Variants in IL19 observed in about 807,000 individuals in gnomAD.
IL19 encodes interleukin-19.
A neutral mutation model predicts 19.5 loss-of-function variants in IL19; 15 were observed. The ratio of observed to expected loss-of-function variants is 0.77; its 90% CI spans 0.52 to 1.19. The LOEUF (loss-of-function observed/expected upper bound fraction) is 1.19, where lower values mean the gene tolerates loss of function less well. IL19 is among the 50% of genes most tolerant of loss of function. The pLI, the probability that IL19 is intolerant of heterozygous loss-of-function variation, is 0.00. For synonymous variants in IL19, 78 were observed against 78.3 expected, an observed-to-expected ratio of 1.00 and a Z score of 0.02; for missense variants, 199 against 213.1, an observed-to-expected ratio of 0.93 and a Z score of 0.41.
chr1:206,798,920 A>G lies in IL19; in HGVS notation c.-89A>G. On this transcript the variant is annotated 5_prime_UTR_variant, in exon 2 of 7. Coordinates refer to ENST00000659997, the MANE Select transcript of IL19 (RefSeq NM_153758.5). ...ATGTGCACTGAGGGAGCGTTTCCGC[A>G]CAGATCTGCGTGTTCCTTACCACTC... 6.2e-7 allele frequency: 1 copy of G among 1,613,572 alleles called. No homozygotes were observed. Among genetic ancestry groups the G allele is most frequent in the Non-Finnish European group, 8.5e-7 (1 of 1,179,850 alleles).
At chr1:206,806,000 G>A (rs1675835356) in intron 2 of IL19, among the ~76,000 whole-genome samples, 1 of 152,126 alleles carries the variant, frequency 6.6e-6, no homozygotes, top group Non-Finnish European at 1.5e-5. Flanking sequence ...TTCCTGTAGG[G>A]TGACATTCAG....
At chr1:206,812,760 T>C (rs1676046481) in intron 2 of IL19, among the ~76,000 whole-genome samples, 1 of 152,254 alleles carries the variant, frequency 6.6e-6, no homozygotes, top group South Asian at 2.1e-4. Flanking sequence ...AAGGAAGTTA[T>C]AAATATAATT....
intron 2 of IL19, among the ~76,000 whole-genome samples, chr1:206,831,848 T>A (rs1167001645): frequency 6.6e-6 from 1 of 152,196 alleles, no homozygotes; most frequent in Non-Finnish European, 1.5e-5. Context: ...TATAAACACA[T>A]CACTTATTTC....
chr1:206,796,984 T>C (rs957421352), intron 1 of IL19, among the ~76,000 whole-genome samples: 1 of 152,198 alleles, frequency 6.6e-6, no homozygotes, highest in Non-Finnish European at 1.5e-5. Context: ...ATGGGAAGTA[T>C]TGCTCGAAAA....
intron 2 of IL19, among the ~76,000 whole-genome samples, chr1:206,801,372 G>A (rs2102461152): frequency 6.6e-6 from 1 of 152,298 alleles, no homozygotes; most frequent in African/African-American, 2.4e-5. Flanking sequence ...GCGGGGGGTG[G>A]AATGGAGGCA....
chr1:206,841,808 C>T (rs767179153), intron 6 of IL19, among the ~76,000 whole-genome samples: 3 of 152,188 alleles, frequency 2.0e-5, no homozygotes, highest in Non-Finnish European at 4.4e-5. Flanking sequence ...AGTATTAACA[C>T]ACATTCGTCC....
At chr1:206,792,581 C>T (rs1366566827) in intron 1 of IL19, among the ~76,000 whole-genome samples, 2 of 152,020 alleles carry the variant, frequency 1.3e-5, no homozygotes, top group East Asian at 1.9e-4. Flanking sequence ...CTCAGCCTCC[C>T]GAGTAGCTGG....
intron 2 of IL19, among the ~76,000 whole-genome samples, chr1:206,817,866 C>T (rs770480461): frequency 4.6e-5 from 7 of 151,716 alleles, no homozygotes; most frequent in Admixed American, 1.3e-4. Flanking sequence ...TGGGTTCAAG[C>T]GATTCTCCTG....
At chr1:206,841,696 C>T (rs929264941) in intron 6 of IL19, among the ~76,000 whole-genome samples, 2 of 152,170 alleles carry the variant, frequency 1.3e-5, no homozygotes, top group African/African-American at 4.8e-5. Context: ...CTGTTATGGG[C>T]TCTGCTTCTT....
chr1:206,813,984 A>G (rs573054507), intron 2 of IL19, among the ~76,000 whole-genome samples: 30 of 152,302 alleles, frequency 2.0e-4, no homozygotes, highest in Non-Finnish European at 3.7e-4. Flanking sequence ...TACAGGTTTC[A>G]GGCTTGCTAG....
At chr1:206,776,010 AT>A (rs542931812) in intron 1 of IL19, among the ~76,000 whole-genome samples, 130 of 152,304 alleles carry the variant, frequency 8.5e-4, no homozygotes, top group Admixed American at 1.5e-3. Context: ...TATTATACTG[AT>A]TTTAAATGAA....
chr1:206,842,692 C>A lies in IL19; in HGVS notation c.*70C>A. The A allele has an allele frequency of 3.3e-6, 3 of 913,260 alleles. No individual in the cohort carries two copies. The highest frequency in any genetic ancestry group is 3.1e-5 in the South Asian group (2 of 64,580). 56.6% of individuals were successfully genotyped at this position (913,260 alleles called of 1,614,324 possible). A position where few individuals can be genotyped will look rare whatever the true frequency, so the allele number is the denominator to read the frequency against. ...GCGGTTTACTGTGGGAGACAGCCCACCTTGAAGGGGAAGGAGATGGGGAAG... is the reference window on the plus strand; with the variant it reads ...GCGGTTTACTGTGGGAGACAGCCCAACTTGAAGGGGAAGGAGATGGGGAAG... On this transcript the variant is annotated 3_prime_UTR_variant, in exon 7 of 7. Transcript: ENST00000659997.
chr1:206,770,883 G>C lies in IL19; in HGVS notation c.-344G>C. On this transcript the variant is annotated 5_prime_UTR_variant, in exon 1 of 7. Coordinates refer to ENST00000659997, the MANE Select transcript of IL19 (RefSeq NM_153758.5). The stretch of plus-strand genomic sequence containing the variant: ...ATGGTATTTTGGGGGCAGCTGCAAG[G>C]GAAAAAACTGATCTGCTACTTACAC... 6.2e-7 allele frequency: 1 copy of C among 1,612,966 alleles called. No individual in the cohort carries two copies. Among genetic ancestry groups the C allele is most frequent in the South Asian group, 1.1e-5 (1 of 91,060 alleles).
chr1:206,826,068 G>C (rs1450310300), intron 2 of IL19, among the ~76,000 whole-genome samples: 1 of 152,164 alleles, frequency 6.6e-6, no homozygotes, highest in East Asian at 1.9e-4. Flanking sequence ...TGATAGGAGA[G>C]AGATTTCAGA....
intron 2 of IL19, among the ~76,000 whole-genome samples, chr1:206,818,518 G>A (rs971780503): frequency 3.3e-5 from 5 of 152,202 alleles, no homozygotes; most frequent in African/African-American, 9.7e-5. Context: ...AAGCAGATTA[G>A]TGCTTGCCTG....
intron 1 of IL19, among the ~76,000 whole-genome samples, chr1:206,778,330 C>G (rs1036883704): frequency 6.6e-6 from 1 of 152,132 alleles, no homozygotes; most frequent in Non-Finnish European, 1.5e-5. Context: ...TATCAGGGAC[C>G]AGGACACCAG....
At chr1:206,840,208 G>T in intron 5 of IL19, 1 of 705,174 alleles carries the variant, frequency 1.4e-6, no homozygotes. Context: ...TCCTCAGATG[G>T]TCTCCTCCTA....
chr1:206,785,354 C>A (rs1336509621), intron 1 of IL19, among the ~76,000 whole-genome samples: 1 of 152,216 alleles, frequency 6.6e-6, no homozygotes, highest in South Asian at 2.1e-4. Flanking sequence ...CTTCCTTAAC[C>A]GTGCTTGTGA....
At position 206,804,194 on chromosome 1, in the gene IL19, A is replaced by G. The variant is rs192340082; in HGVS notation, c.-3+5188A>G. Among the ~76,000 whole-genome samples, 451 of 152,246 alleles carry G rather than the reference A, an allele frequency of 3.0e-3. 4 individuals carry two copies. Among genetic ancestry groups the G allele is most frequent in the African/African-American group, 0.01 (429 of 41,530 alleles). On this transcript the variant is annotated intron_variant, in intron 2 of 6. Transcript: ENST00000659997. ...GGTTGCTTGCCACATTCACCTGCCT[A>G]TCAAGTTTGCAGATGACAACTGCAG...
Sources: allele counts gnomAD v4.1 joint callset (sites outside exome capture counted in the v4.1 genomes callset), GRCh38; gene constraint gnomAD v4.1.1; transcripts MANE v1.5; gene names NCBI Gene and HGNC (gene_info 2026-07-23, HGNC 2026-07-21).